The following MSI2 variants were observed in gnomAD, a reference collection of about 807,000 sequenced individuals.
MSI2 encodes musashi RNA binding protein 2.
A neutral mutation model predicts 45.6 loss-of-function variants in MSI2; 17 were observed. That is an observed-to-expected ratio of 0.37 (90% CI 0.26 to 0.56). The LOEUF (loss-of-function observed/expected upper bound fraction) is 0.56. Ranked by LOEUF, MSI2 falls within the 20% of genes least tolerant of loss-of-function variation. MSI2 has a pLI of 0.77. For synonymous variants in MSI2, 156 were observed against 158.2 expected (o/e 0.99, Z 0.11); for missense variants, 293 against 444.2 (o/e 0.66, Z 3.06).
At chr17:57,405,309 A>G (rs1442989490) in intron 6 of MSI2, among the ~76,000 whole-genome samples, 1 of 152,236 alleles carries the variant, frequency 6.6e-6, no homozygotes, top group Non-Finnish European at 1.5e-5. Context: ...AGCCATCACC[A>G]GCAGGTAAAC....
intron 11 of MSI2, among the ~76,000 whole-genome samples, chr17:57,662,280 G>A (rs921938657): frequency 1.3e-5 from 2 of 152,162 alleles, no homozygotes; most frequent in Non-Finnish European, 2.9e-5. Flanking sequence ...CAGCCACTCC[G>A]TGGTATAGGC....
the MSI2 span, among the ~76,000 whole-genome samples, chr17:57,699,990 G>A: frequency 1.9e-3 from 286 of 152,376 alleles, 4 homozygotes; most frequent in African/African-American, 6.6e-3. Context: ...CAATGAAGAT[G>A]AAATCCTGCA....
chr17:57,416,582 G>T (rs777280773), intron 6 of MSI2, among the ~76,000 whole-genome samples: 6 of 152,148 alleles, frequency 3.9e-5, no homozygotes, highest in Non-Finnish European at 8.8e-5. Flanking sequence ...TCTTGACAAG[G>T]GTGTGTCCGC....
At chr17:57,358,841 C>T (rs924859910) in intron 5 of MSI2, among the ~76,000 whole-genome samples, 1 of 152,042 alleles carries the variant, frequency 6.6e-6, no homozygotes, top group Non-Finnish European at 1.5e-5. Flanking sequence ...TAGGTGAAAT[C>T]GAAGATGATA....
chr17:57,476,726 AT>A (rs1360407077), intron 6 of MSI2, among the ~76,000 whole-genome samples: 2 of 152,308 alleles, frequency 1.3e-5, no homozygotes, highest in East Asian at 1.9e-4. Flanking sequence ...ATATTACCTC[AT>A]TTAACCCTTA....
At chr17:57,506,515 G>A (rs2086232237) in intron 6 of MSI2, among the ~76,000 whole-genome samples, 1 of 152,168 alleles carries the variant, frequency 6.6e-6, no homozygotes. Flanking sequence ...TTTCTGGTGT[G>A]CTCCTGATGC....
chr17:57,311,285 G>C (rs1912379006), intron 5 of MSI2, among the ~76,000 whole-genome samples: 1 of 152,250 alleles, frequency 6.6e-6, no homozygotes, highest in Admixed American at 6.5e-5. Flanking sequence ...ATAAAGTGGT[G>C]CTGGGTCTTT....
At chr17:57,619,761 G>A (rs753364562) in intron 9 of MSI2, among the ~76,000 whole-genome samples, 60 of 152,188 alleles carry the variant, frequency 3.9e-4, no homozygotes, top group Non-Finnish European at 7.2e-4. Context: ...AACAGCGCCT[G>A]CTCGCTGGGG....
At chr17:57,616,774 C>T (rs1473692774) in intron 9 of MSI2, 1 of 152,176 alleles carries the variant, frequency 6.6e-6, no homozygotes, top group Non-Finnish European at 1.5e-5. Context: ...AATTGAAAAT[C>T]TTACCGCTTA....
At chr17:57,265,033 G>T (rs1907650089) in intron 5 of MSI2, 1 of 152,280 alleles carries the variant, frequency 6.6e-6, no homozygotes, top group African/African-American at 2.4e-5. Flanking sequence ...AGGCAACAGA[G>T]TAAATGCCAA....
chr17:57,310,745 A>G (rs1912329109), intron 5 of MSI2, among the ~76,000 whole-genome samples: 1 of 152,120 alleles, frequency 6.6e-6, no homozygotes, highest in African/African-American at 2.4e-5. Context: ...GGGGATATTA[A>G]TGAGTGCCTC....
chr17:57,451,022 T>C (rs1359077034), intron 6 of MSI2, among the ~76,000 whole-genome samples: 1 of 152,138 alleles, frequency 6.6e-6, no homozygotes, highest in Non-Finnish European at 1.5e-5. Context: ...TAGGTTCTCC[T>C]TGGGCTTTGT....
intron 8 of MSI2, among the ~76,000 whole-genome samples, chr17:57,610,039 C>T (rs921319097): frequency 8.5e-5 from 13 of 152,066 alleles, no homozygotes; most frequent in African/African-American, 9.7e-5. Flanking sequence ...GCAAAACAAG[C>T]GTATGGAAGG....
At chr17:57,319,813 C>T (rs1419850263) in intron 5 of MSI2, among the ~76,000 whole-genome samples, 2 of 152,138 alleles carry the variant, frequency 1.3e-5, no homozygotes, top group Non-Finnish European at 2.9e-5. Context: ...AGGGTCTTCC[C>T]ATGTCATCCA....
At chr17:57,594,743 G>A (rs1275358431) in intron 7 of MSI2, among the ~76,000 whole-genome samples, 2 of 152,130 alleles carry the variant, frequency 1.3e-5, no homozygotes, top group African/African-American at 2.4e-5. Flanking sequence ...GTATCCTGTC[G>A]GATGTCTGCT....
chr17:57,323,527 G>T (rs1055360978), intron 5 of MSI2, among the ~76,000 whole-genome samples: 28 of 152,234 alleles, frequency 1.8e-4, no homozygotes, highest in Admixed American at 1.8e-3. Context: ...AGCCTCCTTG[G>T]TTGGTGCCGC....
chr17:57,676,249 C>T (rs1187201303), intron 12 of MSI2, among the ~76,000 whole-genome samples: 1 of 152,160 alleles, frequency 6.6e-6, no homozygotes, highest in Non-Finnish European at 1.5e-5. Context: ...CATGCACACA[C>T]GCACACAGAC....
At chr17:57,379,277 A>T (rs544944625) in intron 5 of MSI2, among the ~76,000 whole-genome samples, 1 of 151,516 alleles carries the variant, frequency 6.6e-6, no homozygotes, top group African/African-American at 2.4e-5. Flanking sequence ...TACTCGATCT[A>T]CTTTCCCCAA....
chr17:57,529,819 G>A lies in MSI2; in HGVS notation c.454+95G>A. 2 of 1,039,442 alleles carry A rather than the reference G, an allele frequency of 1.9e-6. No homozygotes were observed. The highest frequency in any genetic ancestry group is 2.9e-6 in the Non-Finnish European group (2 of 694,180). 64.4% of individuals were successfully genotyped at this position (1,039,442 alleles called of 1,614,324 possible). A position where few individuals can be genotyped will look rare whatever the true frequency, so the allele number is the denominator to read the frequency against. On this transcript the variant is annotated intron_variant, in intron 7 of 13. Coordinates refer to ENST00000284073, the MANE Select transcript of MSI2 (RefSeq NM_138962.4). This position sits in a 1 kb window ranked among gnomAD's most constrained non-coding sequence, Gnocchi z 5.3. ...CCACTGACAAAAGATACAGTGAAGA[G>A]TCCAGAGTCAAGCAGGTAGAGGTGA...
Sources: allele counts gnomAD v4.1 joint callset (sites outside exome capture counted in the v4.1 genomes callset), GRCh38; gene constraint gnomAD v4.1.1; non-coding constraint Gnocchi (gnomAD v3.1); transcripts MANE v1.5; gene names NCBI Gene and HGNC (gene_info 2026-07-23, HGNC 2026-07-21).